Variants in NOTCH2 observed in about 807,000 individuals in gnomAD.
NOTCH2 encodes the protein neurogenic locus notch homolog protein 2.
NOTCH2 carries 29 observed loss-of-function variants against 235.8 expected under a neutral mutation model. The ratio of observed to expected loss-of-function variants is 0.12; its 90% CI spans 0.09 to 0.17. The LOEUF is 0.17. NOTCH2 is among the 10% of genes least tolerant of loss of function. The pLI, the probability that NOTCH2 is intolerant of heterozygous loss-of-function variation, is 1.00. For missense variants in NOTCH2, 2,285 were observed against 3,150.2 expected (o/e 0.73, Z 6.57); for synonymous variants, 1,086 against 1,141.5 (o/e 0.95, Z 0.98).
chr1:119,967,426 C>T lies in NOTCH2; in HGVS notation c.1453+7G>A, dbSNP rs782513711. On this transcript the variant is annotated splice_region_variant and intron_variant, in intron 8 of 33. Coordinates refer to ENST00000256646, the MANE Select transcript of NOTCH2 (RefSeq NM_024408.4). Reference sequence around the variant, plus strand: ...TCTAGACCCAACATGCTGATGGGCCCATTTACCTGGCATGCACAGACATGT... The same window carrying T: ...TCTAGACCCAACATGCTGATGGGCCTATTTACCTGGCATGCACAGACATGT... The T allele has an allele frequency of 2.5e-6, 4 of 1,613,600 alleles. No homozygotes were observed. The South Asian group carries it at 3.3e-5, about 13-fold the overall frequency.
chr1:119,925,689 G>A lies in NOTCH2; in HGVS notation c.4127C>T (p.Ser1376Leu). 6.2e-7 allele frequency: 1 copy of A among 1,612,436 alleles called. No homozygotes were observed. Among genetic ancestry groups the A allele is most frequent in the South Asian group, 1.1e-5 (1 of 91,052 alleles). Residue 1376 changes from serine to leucine, a missense_variant, in exon 25 of 34, where the codon TCA becomes TTA. Transcript: ENST00000256646. ...CFCPSPRDCE[S>L]GCASSPCQHG... ...CTGGCAGGGGCTACTGGCACAGCCT[G>A]ACTCGCAGTCCCGGGGACTGGGGCA... is the stretch of plus-strand genomic sequence containing the variant.
intron 17 of NOTCH2, among the ~76,000 whole-genome samples, chr1:119,945,122 A>G (rs112960371): frequency 1.3e-5 from 2 of 152,264 alleles, no homozygotes; most frequent in Non-Finnish European, 2.9e-5. Context: ...CTTCTCCTCT[A>G]TATGAAGTGG....
chr1:120,069,556 C>G lies in NOTCH2; in HGVS notation c.-150G>C. ...GGCGCTACGCTCCGAAGCCCAGGCGCAAATGCCTCGACTCCCCGCGCCCCG... is the reference window on the plus strand; with the variant it reads ...GGCGCTACGCTCCGAAGCCCAGGCGGAAATGCCTCGACTCCCCGCGCCCCG... On this transcript the variant is annotated 5_prime_UTR_variant, in exon 1 of 34. Coordinates refer to ENST00000256646, the MANE Select transcript of NOTCH2 (RefSeq NM_024408.4). 7.1e-7 allele frequency: 1 copy of G among 1,412,378 alleles called. No homozygotes were observed. Among genetic ancestry groups the G allele is most frequent in the Non-Finnish European group, 9.2e-7 (1 of 1,092,012 alleles). The allele number at this position is 1,412,378 out of a possible 1,614,324, so 87.5% of individuals were successfully genotyped here. A position where few individuals can be genotyped will look rare whatever the true frequency, so the allele number is the denominator to read the frequency against.
Position 119,919,583 on chromosome 1 carries a change from A to T in NOTCH2, c.5510T>A (p.Leu1837His). 1 of 1,614,164 alleles carries T rather than the reference A, an allele frequency of 6.2e-7. No individual in the cohort carries two copies. Among genetic ancestry groups the T allele is most frequent in the Non-Finnish European group, 8.5e-7 (1 of 1,180,038 alleles). The stretch of plus-strand genomic sequence containing the variant: ...ACTCAAATCTGAGCTGCCTCCTCGG[A>T]GAGAAGCCAACATCAATGGGGTGCA... ...DGCTPLMLASLRGGSSDLSDE... is the reference protein window; with the variant it reads ...DGCTPLMLASHRGGSSDLSDE... The change falls in exon 31 of 34, where the codon CTC becomes CAC. Residue 1837 changes from leucine to histidine, a missense_variant. Physicochemically the swap from Leu to His is moderately conservative, Grantham distance 99 (BLOSUM62 -3). Coordinates refer to ENST00000256646, the MANE Select transcript of NOTCH2 (RefSeq NM_024408.4).
At chr1:119,920,528 C>A in intron 29 of NOTCH2, 131 bp from the exon 30 acceptor site, 1 of 1,006,658 alleles carries the variant, frequency 9.9e-7, no homozygotes, top group East Asian at 2.5e-5. Flanking sequence ...TCCACCCCTC[C>A]AGAGGATTAC....
In NOTCH2 at chr1:119,935,610, A is replaced by G. The variant is rs782714138; in HGVS notation, c.3523-6T>C. ...CCCTGATAGCCTGGGACACACTGCC[A>G]TGAGGAAACAAAAAGGACAAGAAAT... is the stretch of plus-strand genomic sequence containing the variant. On this transcript the variant is annotated splice_region_variant and splice_polypyrimidine_tract_variant and intron_variant, in intron 21 of 33. Coordinates refer to ENST00000256646, the MANE Select transcript of NOTCH2 (RefSeq NM_024408.4). The G allele has an allele frequency of 1.9e-6, 3 of 1,614,074 alleles. No homozygotes were observed. Among genetic ancestry groups the G allele is most frequent in the East Asian group, 2.2e-5 (1 of 44,880 alleles).
At chr1:119,967,957 C>T (rs1247873001) in intron 7 of NOTCH2, 120 bp downstream of exon 7, 2 of 1,118,386 alleles carry the variant, frequency 1.8e-6, no homozygotes, top group Admixed American at 1.9e-5. Flanking sequence ...GGCCATGTAG[C>T]AAGAGTAATC....
intron 5 of NOTCH2, among the ~76,000 whole-genome samples, chr1:119,982,939 T>C (rs1651867717): frequency 6.6e-6 from 1 of 152,158 alleles, no homozygotes; most frequent in Non-Finnish European, 1.5e-5. Context: ...AACAGATGCT[T>C]CTACAAAGCA....
chr1:119,919,955 TG>T, intron 30 of NOTCH2, among the ~76,000 whole-genome samples: 1 of 152,362 alleles, frequency 6.6e-6, no homozygotes, highest in East Asian at 1.9e-4. Context: ...TCCTCTGCTT[TG>T]GGATATTATT....
At position 119,917,778 on chromosome 1, in the gene NOTCH2, A is replaced by G; in HGVS notation, c.5930-16T>C. 2.0e-6 allele frequency: 3 copies of G among 1,491,342 alleles called. No homozygotes were observed. The highest frequency in any genetic ancestry group is 1.7e-4 in the Middle Eastern group (1 of 5,856). 92.4% of individuals were successfully genotyped at this position (1,491,342 alleles called of 1,614,324 possible). A position where few individuals can be genotyped will look rare whatever the true frequency, so the allele number is the denominator to read the frequency against. On this transcript the variant is annotated splice_polypyrimidine_tract_variant and intron_variant, in intron 32 of 33. Transcript: ENST00000256646. ...GCAGATTTTCCTGCAGGGGAGAAAC[A>G]TTTTTATAAACAGACATATCCTACT...
chr1:119,917,688 T>C lies in NOTCH2; in HGVS notation c.6004A>G (p.Asn2002Asp), dbSNP rs761367735. 6.8e-6 allele frequency: 11 copies of C among 1,613,338 alleles called. No individual in the cohort carries two copies. The highest frequency in any genetic ancestry group is 9.3e-6 in the Non-Finnish European group (11 of 1,179,560). Residue 2002 changes from asparagine (N) to aspartate (D), a missense_variant, in exon 33 of 34, where the codon AAC becomes GAC. Transcript: ENST00000256646. The stretch of plus-strand genomic sequence containing the variant: ...ACCTTGTTGTCCTGCATGTCTCGGT[T>C]GGCCCCATTTTTCAACAACAAAAGA... ...ATLLLLKNGA[N>D]RDMQDNKEET...
At chr1:119,939,775 T>C (rs1363345579) in intron 19 of NOTCH2, among the ~76,000 whole-genome samples, 1 of 152,230 alleles carries the variant, frequency 6.6e-6, no homozygotes, top group Non-Finnish European at 1.5e-5. Flanking sequence ...AATGCTCTCG[T>C]GATCCATGGA....
intron 17 of NOTCH2, among the ~76,000 whole-genome samples, chr1:119,945,961 G>C (rs914236314): frequency 2.0e-5 from 3 of 151,864 alleles, no homozygotes; most frequent in African/African-American, 7.2e-5. Context: ...CCCTTTCAAA[G>C]AAAGAAGAGA....
intron 5 of NOTCH2, among the ~76,000 whole-genome samples, chr1:119,971,960 G>T (rs1163024826): frequency 1.3e-5 from 2 of 151,352 alleles, no homozygotes; most frequent in Non-Finnish European, 2.9e-5. Context: ...AATGGGGGAG[G>T]TAATGAGGGT....
chr1:119,922,085 T>C (rs1649304817), intron 28 of NOTCH2, 151 bp downstream of exon 28: 17 of 886,804 alleles, frequency 1.9e-5, no homozygotes, highest in Non-Finnish European at 2.7e-5. Context: ...GCTCTGACTG[T>C]GGTTTCAGTC....
chr1:119,948,340 T>C, intron 17 of NOTCH2, 74 bp downstream of exon 17: 1 of 1,559,672 alleles, frequency 6.4e-7, no homozygotes. Flanking sequence ...GGCGGCAGCC[T>C]CCACTGGGCT....
At chr1:120,023,046 C>T (rs61788882) in intron 2 of NOTCH2, among the ~76,000 whole-genome samples, 10 of 150,720 alleles carry the variant, frequency 6.6e-5, no homozygotes, top group Admixed American at 2.6e-4. Context: ...GACCCTAATA[C>T]GCAATAATGT....
rs782495655 is a variant in NOTCH2 at position 119,935,497 on chromosome 1, C to T, written c.3630G>A (p.Lys1210=). The T allele has an allele frequency of 1.2e-6, 2 of 1,614,196 alleles. No individual in the cohort carries two copies. The highest frequency in any genetic ancestry group is 1.7e-6 in the Non-Finnish European group (2 of 1,180,036). ...GTCIDLVNHF[K]CSCPPGTRGL... ...CCCGAGTGCCTGGTGGGCAAGAGCA[C>T]TTGAAATGGTTCACAAGGTCAATAC... Residue 1210 remains lysine, a synonymous_variant, in exon 22 of 34, where the codon AAG becomes AAA. Transcript: ENST00000256646.
intron 12 of NOTCH2, among the ~76,000 whole-genome samples, 175 bp from the exon 13 acceptor site, chr1:119,955,407 G>A (rs1650651634): frequency 6.6e-6 from 1 of 152,224 alleles, no homozygotes; most frequent in Admixed American, 6.5e-5. Flanking sequence ...GCCATGCAAA[G>A]GAGCAAAGAG....
Sources: allele counts gnomAD v4.1 joint callset (sites outside exome capture counted in the v4.1 genomes callset), GRCh38; gene constraint gnomAD v4.1.1; transcripts MANE v1.5; gene names NCBI Gene and HGNC (gene_info 2026-07-23, HGNC 2026-07-21).